Variants in DNAH7 observed in about 807,000 individuals in gnomAD.
The protein encoded by DNAH7 is axonemal beta dynein heavy chain 7.
DNAH7 carries 397 observed loss-of-function variants against 444.6 expected under a neutral mutation model. That is an observed-to-expected ratio of 0.89 (90% CI 0.82 to 0.97). The LOEUF is 0.97. Ranked by LOEUF, DNAH7 falls within the 50% of genes least tolerant of loss-of-function variation. The pLI is 0.00. For synonymous variants in DNAH7, 1,636 were observed against 1,624.4 expected (o/e 1.01, Z -0.17); for missense variants, 4,902 against 4,800.8 (o/e 1.02, Z -0.62).
intron 1 of DNAH7, among the ~76,000 whole-genome samples, chr2:196,061,168 A>G (rs565730548): frequency 3.9e-5 from 6 of 152,246 alleles, no homozygotes; most frequent in Non-Finnish European, 5.9e-5. Flanking sequence ...ATCATGATGT[A>G]TAATAGATCT....
intron 47 of DNAH7, among the ~76,000 whole-genome samples, chr2:195,840,584 T>C (rs1026081440): frequency 6.6e-5 from 10 of 151,786 alleles, no homozygotes; most frequent in African/African-American, 2.4e-4. Flanking sequence ...AACAGCATGA[T>C]TGTCTACATA....
intron 23 of DNAH7, among the ~76,000 whole-genome samples, chr2:195,923,214 C>T (rs976036421): frequency 4.6e-5 from 7 of 152,244 alleles, no homozygotes; most frequent in African/African-American, 1.7e-4. Flanking sequence ...TTGATTCATA[C>T]ATCCTTTAGA....
At chr2:195,830,442 G>GA (rs947345287) in intron 48 of DNAH7, among the ~76,000 whole-genome samples, 4 of 152,030 alleles carry the variant, frequency 2.6e-5, no homozygotes, top group African/African-American at 2.4e-5. Flanking sequence ...CAAATTAATA[G>GA]AAAAAAATCT....
chr2:195,985,027 G>GAGCTTTAAGAGAGATTTAGAT (rs1692814939), intron 14 of DNAH7, among the ~76,000 whole-genome samples: 1 of 152,124 alleles, frequency 6.6e-6, no homozygotes, highest in African/African-American at 2.4e-5. Context: ...AGCTTTAAGG[G>GAGCTTTAAGAGAGATTTAGAT]CTCTAAGAGA....
chr2:195,913,877 A>G (rs1341500168), intron 24 of DNAH7, among the ~76,000 whole-genome samples: 6 of 152,122 alleles, frequency 3.9e-5, no homozygotes, highest in African/African-American at 7.2e-5. Flanking sequence ...CACCATGCCC[A>G]GCAAGTTTTT....
intron 60 of DNAH7, among the ~76,000 whole-genome samples, chr2:195,773,571 C>T (rs1694939342): frequency 1.3e-5 from 2 of 152,110 alleles, no homozygotes; most frequent in South Asian, 4.1e-4. Flanking sequence ...CCAACTGATA[C>T]TGATAATTAA....
chr2:196,056,179 T>A (rs1333851144), intron 2 of DNAH7, among the ~76,000 whole-genome samples: 1 of 152,160 alleles, frequency 6.6e-6, no homozygotes, highest in Non-Finnish European at 1.5e-5. Context: ...GCGCAGTGGT[T>A]CACGCCTGTA....
intron 5 of DNAH7, among the ~76,000 whole-genome samples, chr2:196,047,057 GA>G (rs147166462): frequency 2.0e-5 from 3 of 151,636 alleles, no homozygotes; most frequent in Admixed American, 1.3e-4. Flanking sequence ...TGAGATTGGG[GA>G]AAAAAAACCT....
In DNAH7 at chr2:195,891,726, A is replaced by C; in HGVS notation, c.4975T>G (p.Phe1659Val). ...GACCATTCATGGGACACTGAATCAA[A>C]CTGTCCGTACAGTTGGCCCATGGTG... ...SVTMGQLYGQ[F>V]DSVSHEWSDG... is the part of the protein sequence containing the mutation. The change falls in exon 31 of 65, where the codon TTT becomes GTT. Residue 1659 changes from phenylalanine to valine, a missense_variant. By Grantham distance (50) the Phe-to-Val change is conservative. Coordinates refer to ENST00000312428, the MANE Select transcript of DNAH7 (RefSeq NM_018897.3). 6.2e-7 allele frequency: 1 copy of C among 1,609,626 alleles called. No homozygotes were observed. The highest frequency in any genetic ancestry group is 8.5e-7 in the Non-Finnish European group (1 of 1,178,052).
At chr2:195,932,047 A>G (rs537372341) in intron 21 of DNAH7, among the ~76,000 whole-genome samples, 6 of 152,282 alleles carry the variant, frequency 3.9e-5, no homozygotes, top group African/African-American at 7.2e-5. Context: ...GATTATTCCT[A>G]CCCATGAGCA....
intron 10 of DNAH7, among the ~76,000 whole-genome samples, chr2:196,003,830 C>T (rs1193879692): frequency 6.6e-6 from 1 of 152,120 alleles, no homozygotes; most frequent in Non-Finnish European, 1.5e-5. Context: ...GATGACAATG[C>T]TAAGAGTCTC....
At chr2:195,894,143 T>C (rs1396167673) in intron 30 of DNAH7, 2 of 152,106 alleles carry the variant, frequency 1.3e-5, no homozygotes, top group Non-Finnish European at 2.9e-5. Context: ...TTTAAACTTA[T>C]CTTTGAAAAG....
chr2:195,969,414 G>A (rs139983060), intron 17 of DNAH7, among the ~76,000 whole-genome samples: 1 of 152,252 alleles, frequency 6.6e-6, no homozygotes, highest in African/African-American at 2.4e-5. Context: ...ATTAAACTCT[G>A]TAAATATCTT....
chr2:196,001,592 G>C (rs914034920), intron 11 of DNAH7, 83 bp downstream of exon 11: 1 of 1,264,598 alleles, frequency 7.9e-7, no homozygotes, highest in African/African-American at 1.5e-5. Flanking sequence ...CCCTCTCACT[G>C]ATAGAGATGT....
intron 60 of DNAH7, among the ~76,000 whole-genome samples, chr2:195,775,377 G>A (rs1485482535): frequency 1.3e-5 from 2 of 152,164 alleles, no homozygotes; most frequent in Non-Finnish European, 2.9e-5. Flanking sequence ...ATATGAGTGT[G>A]AATGAAACTG....
intron 5 of DNAH7, among the ~76,000 whole-genome samples, chr2:196,028,779 TC>T (rs1695849946): frequency 6.6e-6 from 1 of 152,140 alleles, no homozygotes; most frequent in African/African-American, 2.4e-5. Context: ...TGGATACAGG[TC>T]AGTGATGTTG....
In DNAH7 at chr2:195,888,840, T is replaced by C. The variant is rs369167538; in HGVS notation, c.5188A>G (p.Ile1730Val). ...IIQMSPQMNL[I>V]FEPMDLEVAS... Reference sequence around the variant, plus strand: ...ACTTCTAAATCCATTGGCTCAAAAATTAGATTCATTTGTGGTGACATCTGA... The same window carrying C: ...ACTTCTAAATCCATTGGCTCAAAAACTAGATTCATTTGTGGTGACATCTGA... Residue 1730 changes from isoleucine (I) to valine (V), a missense_variant, in exon 32 of 65, where the codon ATT (isoleucine) becomes GTT (valine). Transcript: ENST00000312428. The C allele has an allele frequency of 2.3e-5, 37 of 1,613,052 alleles. No homozygotes were observed. Among genetic ancestry groups the C allele is most frequent in the Admixed American group, 1.7e-5 (1 of 59,906 alleles).
At chr2:195,851,345 C>T (rs752419145) in intron 46 of DNAH7, among the ~76,000 whole-genome samples, 1 of 152,088 alleles carries the variant, frequency 6.6e-6, no homozygotes, top group South Asian at 2.1e-4. Flanking sequence ...GTTGATCTAG[C>T]GAAGCAAGGA....
At chr2:195,994,415 A>T (rs532172102) in intron 12 of DNAH7, 1 of 716,294 alleles carries the variant, frequency 1.4e-6, no homozygotes, top group African/African-American at 1.8e-5. Context: ...TTTGGTCCTC[A>T]GTCTGCTGTA....
Sources: gnomAD v4.1 joint callset for allele counts (sites outside exome capture counted in the v4.1 genomes callset) on GRCh38, gnomAD v4.1.1 for gene constraint, MANE v1.5 for transcripts, NCBI Gene and HGNC (gene_info 2026-07-23, HGNC 2026-07-21) for gene names.